CCNE1: variants seen among roughly 807,000 people sequenced by gnomAD.
CCNE1 encodes cyclin E1, also known as G1/S-specific cyclin-E1.
In CCNE1, 8 loss-of-function variants were observed where a neutral mutation model predicts 54.1. The observed-to-expected ratio is 0.15, with a 90% CI of 0.09 to 0.27. The LOEUF (loss-of-function observed/expected upper bound fraction) is 0.27, where lower values mean the gene tolerates loss of function less well. Among genes scored for constraint, CCNE1 ranks in the 10% least tolerant of loss-of-function variants. The probability of loss-of-function intolerance (pLI) is 1.00; values close to 1 mark genes in which losing one functional copy is unlikely to be tolerated. For synonymous variants in CCNE1, 179 were observed against 185.2 expected, an observed-to-expected ratio of 0.97 and a Z score of 0.27; for missense variants, 430 against 514.9, an observed-to-expected ratio of 0.84 and a Z score of 1.60.
At position 29,812,530 on chromosome 19, in the gene CCNE1, A is replaced by T; in HGVS notation, c.-24-2A>T. ...GCCGCCTCACCCCGCGCCGCCCCGC[A>T]GGCCTCAGGCCGGAGCAGCCCCATC... On this transcript the variant is annotated splice_acceptor_variant, in intron 1 of 11. Coordinates refer to ENST00000262643, the MANE Select transcript of CCNE1 (RefSeq NM_001238.4). LOFTEE classifies it low-confidence loss of function (5UTR_SPLICE). 1 of 1,341,584 alleles carries T rather than the reference A, an allele frequency of 7.5e-7. No homozygotes were observed. The highest frequency in any genetic ancestry group is 9.5e-7 in the Non-Finnish European group (1 of 1,054,668). The allele number at this position is 1,341,584 out of a possible 1,614,324, so 83.1% of individuals were successfully genotyped here. A position where few individuals can be genotyped will look rare whatever the true frequency, so the allele number is the denominator to read the frequency against.
intron 4 of CCNE1, 43 bp downstream of exon 4, chr19:29,813,080 C>T (rs1451881468): frequency 6.4e-7 from 1 of 1,557,392 alleles, no homozygotes; most frequent in Admixed American, 1.7e-5. Flanking sequence ...GTCCTTCTCC[C>T]CCTGGGTCAC....
At chr19:29,822,637 C>T (rs772035284) in intron 11 of CCNE1, 34 bp downstream of exon 11, 1 of 1,582,346 alleles carries the variant, frequency 6.3e-7, no homozygotes, top group South Asian at 1.1e-5. Context: ...TCCTTCTTGG[C>T]CAAATTCTTA....
chr19:29,817,857 C>CTTTTTTTT lies in CCNE1; in HGVS notation c.462+330_462+337dup, dbSNP rs34598025. On this transcript the variant is annotated intron_variant, in intron 6 of 11. Transcript: ENST00000262643. ...TTTGTTCATTATGTTCATTAAATTG[C>CTTTTTTTT]TTTTTTTTTTTTTTTTTTTTTGAGA... Among the ~76,000 whole-genome samples, 89 of 95,892 alleles carry CTTTTTTTT rather than the reference C, an allele frequency of 9.3e-4. 1 individual carries two copies. Among genetic ancestry groups the CTTTTTTTT allele is most frequent in the East Asian group, 2.0e-3 (5 of 2,466 alleles). 62.9% of individuals were successfully genotyped at this position (95,892 alleles called of 152,430 possible).
Sources: gnomAD v4.1 joint callset for allele counts (sites outside exome capture counted in the v4.1 genomes callset) on GRCh38, gnomAD v4.1.1 for gene constraint, MANE v1.5 for transcripts, NCBI Gene and HGNC (gene_info 2026-07-23, HGNC 2026-07-21) for gene names.